Variants in ST6GALNAC3 observed in about 807,000 individuals in gnomAD.
ST6GALNAC3 encodes ST6 N-acetylgalactosaminide alpha-2,6-sialyltransferase 3.
ST6GALNAC3 carries 25 observed loss-of-function variants against 32.7 expected under a neutral mutation model. The ratio of observed to expected loss-of-function variants is 0.76; its 90% CI spans 0.56 to 1.07. The LOEUF (loss-of-function observed/expected upper bound fraction) is 1.07, where lower values mean the gene tolerates loss of function less well. Among genes scored for constraint, ST6GALNAC3 ranks in the 50% least tolerant of loss-of-function variants. ST6GALNAC3 has a pLI of 0.00. For synonymous variants in ST6GALNAC3, 129 were observed against 133.1 expected, an observed-to-expected ratio of 0.97 and a Z score of 0.21; for missense variants, 355 against 382.4, an observed-to-expected ratio of 0.93 and a Z score of 0.60.
At chr1:76,101,288 C>A (rs920468508) in intron 1 of ST6GALNAC3, among the ~76,000 whole-genome samples, 5 of 152,152 alleles carry the variant, frequency 3.3e-5, no homozygotes, top group African/African-American at 1.2e-4. Flanking sequence ...TGGCTTCTTT[C>A]ACTTACTAAT....
intron 1 of ST6GALNAC3, among the ~76,000 whole-genome samples, chr1:76,193,609 T>G (rs1270910923): frequency 6.6e-6 from 1 of 152,152 alleles, no homozygotes; most frequent in Non-Finnish European, 1.5e-5. Flanking sequence ...ATAATAATAA[T>G]ACTAGTGGAG....
At chr1:76,556,286 T>C (rs552580119) in intron 3 of ST6GALNAC3, among the ~76,000 whole-genome samples, 1 of 152,294 alleles carries the variant, frequency 6.6e-6, no homozygotes, top group South Asian at 2.1e-4. Flanking sequence ...TATCAGTTCA[T>C]GGACATTTGG....
intron 1 of ST6GALNAC3, among the ~76,000 whole-genome samples, chr1:76,128,675 C>T (rs763844062): frequency 1.2e-4 from 19 of 152,252 alleles, no homozygotes; most frequent in African/African-American, 3.6e-4. Context: ...TAGTCACCAC[C>T]GAAGATGGAG....
intron 3 of ST6GALNAC3, among the ~76,000 whole-genome samples, chr1:76,530,079 A>G (rs1663160684): frequency 1.3e-5 from 2 of 152,228 alleles, no homozygotes; most frequent in African/African-American, 4.8e-5. Flanking sequence ...TACAAAGCCC[A>G]GTTACTTATA....
intron 3 of ST6GALNAC3, among the ~76,000 whole-genome samples, chr1:76,442,657 A>T (rs1656693675): frequency 6.6e-6 from 1 of 152,210 alleles, no homozygotes; most frequent in Non-Finnish European, 1.5e-5. Flanking sequence ...ATTTGACAAG[A>T]ACCCACTGAT....
intron 4 of ST6GALNAC3, 82 bp downstream of exon 4, chr1:76,627,641 A>G: frequency 9.5e-7 from 1 of 1,052,224 alleles, no homozygotes; most frequent in East Asian, 2.4e-5. Flanking sequence ...AATACCATAA[A>G]TCTGAGAAAC....
At chr1:76,441,980 G>A (rs1389655159) in intron 3 of ST6GALNAC3, among the ~76,000 whole-genome samples, 1 of 152,126 alleles carries the variant, frequency 6.6e-6, no homozygotes, top group African/African-American at 2.4e-5. Flanking sequence ...TTTATCAGAG[G>A]CTTTGTGAGC....
At chr1:76,545,843 G>C (rs913066627) in intron 3 of ST6GALNAC3, among the ~76,000 whole-genome samples, 5 of 152,156 alleles carry the variant, frequency 3.3e-5, no homozygotes, top group Middle Eastern at 3.4e-3. Context: ...ATTTTTAGTA[G>C]AGACAGGGTT....
Position 76,629,992 on chromosome 1 carries a change from A to G in ST6GALNAC3, c.*1186A>G. ...GTTATGCCACAATAACAACAATAAT[A>G]ATGTTCTTAATGTCCAAAGTGCTTT... is the stretch of plus-strand genomic sequence containing the variant. On this transcript the variant is annotated 3_prime_UTR_variant, in exon 5 of 5. Transcript: ENST00000328299. 1.0e-6 allele frequency: 1 copy of G among 985,148 alleles called. No homozygotes were observed. The highest frequency in any genetic ancestry group is 1.2e-6 in the Non-Finnish European group (1 of 829,788). The allele number at this position is 985,148 out of a possible 1,614,324, so 61.0% of individuals were successfully genotyped here.
intron 1 of ST6GALNAC3, among the ~76,000 whole-genome samples, chr1:76,206,599 G>A (rs912116628): frequency 2.0e-5 from 3 of 152,056 alleles, no homozygotes; most frequent in Non-Finnish European, 4.4e-5. Flanking sequence ...ATGGTGGCGG[G>A]TGCCTGTAGT....
At chr1:76,607,617 C>A (rs1647646100) in intron 3 of ST6GALNAC3, among the ~76,000 whole-genome samples, 1 of 152,168 alleles carries the variant, frequency 6.6e-6, no homozygotes, top group Admixed American at 6.5e-5. Context: ...CAGGAAATTA[C>A]AAGAATTTTA....
chr1:76,635,154 T>C (rs992415811), downstream of ST6GALNAC3, among the ~76,000 whole-genome samples: 5 of 152,174 alleles, frequency 3.3e-5, no homozygotes, highest in Admixed American at 1.3e-4. Flanking sequence ...ATAAGCTGCA[T>C]AGAACAAAGA....
intron 1 of ST6GALNAC3, among the ~76,000 whole-genome samples, chr1:76,309,545 C>T (rs1400703747): frequency 2.0e-5 from 3 of 152,124 alleles, no homozygotes; most frequent in African/African-American, 7.2e-5. Context: ...GAAGTGACTA[C>T]TAGAAGAAGG....
At chr1:76,171,817 C>CAAA (rs11316194) in intron 1 of ST6GALNAC3, among the ~76,000 whole-genome samples, 241 of 133,068 alleles carry the variant, frequency 1.8e-3, no homozygotes, top group African/African-American at 6.5e-3. Flanking sequence ...AAAACAACAA[C>CAAA]AAAAAAAAAA....
chr1:76,566,127 C>T (rs944375457), intron 3 of ST6GALNAC3, among the ~76,000 whole-genome samples: 1 of 152,114 alleles, frequency 6.6e-6, no homozygotes, highest in African/African-American at 2.4e-5. Context: ...CCATATGGAT[C>T]CTTGGAGCAC....
At chr1:76,552,226 A>G (rs1255629770) in intron 3 of ST6GALNAC3, among the ~76,000 whole-genome samples, 1 of 152,118 alleles carries the variant, frequency 6.6e-6, no homozygotes, top group Non-Finnish European at 1.5e-5. Flanking sequence ...GCCCACAAAG[A>G]TCAAGGGACT....
intron 1 of ST6GALNAC3, among the ~76,000 whole-genome samples, chr1:76,205,033 C>T (rs188708443): frequency 6.6e-6 from 1 of 152,298 alleles, no homozygotes; most frequent in African/African-American, 2.4e-5. Context: ...TTCCCAACGT[C>T]ATTTGCTTCC....
chr1:76,556,923 C>G (rs533959028), intron 3 of ST6GALNAC3, among the ~76,000 whole-genome samples: 3 of 151,936 alleles, frequency 2.0e-5, no homozygotes, highest in African/African-American at 7.2e-5. Flanking sequence ...CTTTTAGTGT[C>G]GTATTTAAAA....
In ST6GALNAC3 at chr1:76,585,451, T is replaced by C. The variant is rs6665744; in HGVS notation, c.624-42001T>C. On this transcript the variant is annotated intron_variant, in intron 3 of 4. Coordinates refer to ENST00000328299, the MANE Select transcript of ST6GALNAC3 (RefSeq NM_152996.4). ...AATCAGGGCTGAGGGTGGAGAAACA[T>C]GTTAGGCATAAGAGGAAGAACAACA... 3.9e-3 allele frequency among the ~76,000 whole-genome samples: 584 copies of C among 150,230 alleles called. 6 individuals carry two copies. The highest frequency in any genetic ancestry group is 0.014 in the African/African-American group (565 of 40,940).
Sources: allele counts gnomAD v4.1 joint callset (sites outside exome capture counted in the v4.1 genomes callset), GRCh38; gene constraint gnomAD v4.1.1; transcripts MANE v1.5; gene names NCBI Gene and HGNC (gene_info 2026-07-23, HGNC 2026-07-21).